PDE4D: variants seen among roughly 807,000 people sequenced by gnomAD.
The protein encoded by PDE4D is 3',5'-cyclic-AMP phosphodiesterase 4D.
PDE4D carries 24 observed loss-of-function variants against 87.4 expected under a neutral mutation model. That is an observed-to-expected ratio of 0.27 (90% CI 0.20 to 0.39). The LOEUF is 0.39. PDE4D is among the 10% of genes least tolerant of loss of function. PDE4D has a pLI of 1.00. For synonymous variants in PDE4D, 384 were observed against 383.2 expected, an observed-to-expected ratio of 1.00 and a Z score of -0.02; for missense variants, 714 against 1,041.0, an observed-to-expected ratio of 0.69 and a Z score of 4.32.
At chr5:59,282,643 CAAAAAAAAA>C (rs60262509) in intron 1 of PDE4D, among the ~76,000 whole-genome samples, 1 of 38,858 alleles carries the variant, frequency 2.6e-5, no homozygotes, top group Non-Finnish European at 4.6e-5. Flanking sequence ...AACTCCAGCT[CAAAAAAAAA>C]AAAAAAAAAA....
intron 1 of PDE4D, among the ~76,000 whole-genome samples, chr5:59,263,091 A>G (rs1762295163): frequency 1.3e-5 from 2 of 151,902 alleles, no homozygotes; most frequent in Admixed American, 6.6e-5. Context: ...TGTGTCTACA[A>G]CTCACCCAGT....
At chr5:60,387,840 GGA>G (rs1762299497) in intron 1 of PDE4D, among the ~76,000 whole-genome samples, 1 of 152,074 alleles carries the variant, frequency 6.6e-6, no homozygotes, top group African/African-American at 2.4e-5. Flanking sequence ...CTATCTACCT[GGA>G]GATAGCATCA....
intron 2 of PDE4D, among the ~76,000 whole-genome samples, chr5:60,040,211 T>A (rs1768312357): frequency 6.6e-6 from 1 of 152,254 alleles, no homozygotes; most frequent in South Asian, 2.1e-4. Flanking sequence ...TATGAAGGTT[T>A]ACAGCTCATC....
At chr5:59,402,837 C>A (rs1790908674) in intron 1 of PDE4D, among the ~76,000 whole-genome samples, 1 of 151,946 alleles carries the variant, frequency 6.6e-6, no homozygotes. Context: ...GAAGATTTCA[C>A]ACTCTTTCAC....
chr5:59,521,557 C>A (rs1055594683), intron 1 of PDE4D, among the ~76,000 whole-genome samples: 1 of 152,206 alleles, frequency 6.6e-6, no homozygotes, highest in Non-Finnish European at 1.5e-5. Flanking sequence ...GTGCACCATT[C>A]TTCTCCCAGC....
At chr5:59,247,143 T>C (rs1759003123) in intron 1 of PDE4D, among the ~76,000 whole-genome samples, 2 of 152,184 alleles carry the variant, frequency 1.3e-5, no homozygotes, top group South Asian at 4.1e-4. Flanking sequence ...TTGAAATAAA[T>C]GCCTCTGCCA....
chr5:59,535,074 TGTG>T lies in PDE4D; in HGVS notation c.456-319109_456-319107del, dbSNP rs891403328. ...GTGCTTAGATTGGTGTGTGTGTGTG[TGTG>T]GGGGGGGGGTCCTCTATCATGTATC... On this transcript the variant is annotated intron_variant, in intron 1 of 14. Coordinates refer to ENST00000340635, the MANE Select transcript of PDE4D (RefSeq NM_001104631.2). Among the ~76,000 whole-genome samples the T allele has an allele frequency of 2.4e-4, 17 of 71,658 alleles. No individual in the cohort carries two copies. In the South Asian group the frequency reaches 5.8e-3, roughly 25 times the overall value. 47.0% of individuals were successfully genotyped at this position (71,658 alleles called of 152,430 possible).
intron 1 of PDE4D, among the ~76,000 whole-genome samples, chr5:60,204,232 T>C (rs1742248978): frequency 6.6e-6 from 1 of 151,992 alleles, no homozygotes. Context: ...CTCTCTGTCA[T>C]CTATCTAATC....
chr5:59,392,557 T>C (rs1234078037), intron 1 of PDE4D, among the ~76,000 whole-genome samples: 2 of 149,786 alleles, frequency 1.3e-5, no homozygotes, highest in Admixed American at 6.6e-5. Context: ...AGAACCCTAA[T>C]ATACCTTGTC....
At chr5:59,532,826 C>G (rs1561141373) in intron 1 of PDE4D, among the ~76,000 whole-genome samples, 1 of 152,050 alleles carries the variant, frequency 6.6e-6, no homozygotes, top group Admixed American at 6.6e-5. Context: ...GGGTCATTGC[C>G]CTAGACTGAG....
chr5:60,370,078 G>GA (rs1427850500), intron 1 of PDE4D, among the ~76,000 whole-genome samples: 1 of 152,070 alleles, frequency 6.6e-6, no homozygotes, highest in African/African-American at 2.4e-5. Context: ...ATCACAGAGA[G>GA]AAAACCTAGC....
chr5:59,323,784 A>AT (rs55924752), intron 1 of PDE4D, among the ~76,000 whole-genome samples: 10,236 of 150,056 alleles, frequency 0.068, 375 homozygotes, highest in Non-Finnish European at 0.084. Context: ...AGCCAAAGAC[A>AT]TTTTTTTTTT....
At chr5:59,839,562 C>T (rs944516395) in intron 1 of PDE4D, among the ~76,000 whole-genome samples, 1 of 151,958 alleles carries the variant, frequency 6.6e-6, no homozygotes, top group Admixed American at 6.6e-5. Flanking sequence ...CAATGACTGA[C>T]TGAACTTCAA....
intron 1 of PDE4D, among the ~76,000 whole-genome samples, chr5:60,486,497 CTT>C (rs1749153987): frequency 6.6e-6 from 1 of 152,034 alleles, no homozygotes; most frequent in African/African-American, 2.4e-5. Context: ...TTTCTACAAA[CTT>C]CATTCATTGG....
intron 1 of PDE4D, among the ~76,000 whole-genome samples, chr5:60,394,136 C>T (rs917909864): frequency 1.3e-5 from 2 of 152,134 alleles, no homozygotes; most frequent in African/African-American, 2.4e-5. Flanking sequence ...CCCAAAATTT[C>T]GACAAAATTC....
intron 1 of PDE4D, among the ~76,000 whole-genome samples, chr5:60,235,859 T>C (rs965359862): frequency 9.2e-5 from 14 of 151,934 alleles, no homozygotes; most frequent in Non-Finnish European, 1.9e-4. Flanking sequence ...CACATGACTA[T>C]GCCCTTAGCC....
chr5:60,088,301 A>C (rs1294117793), intron 2 of PDE4D, among the ~76,000 whole-genome samples: 1 of 151,956 alleles, frequency 6.6e-6, no homozygotes, highest in Non-Finnish European at 1.5e-5. Context: ...TGTGTAAAAA[A>C]CAAAAAACAA....
intron 5 of PDE4D, among the ~76,000 whole-genome samples, chr5:59,117,895 C>T (rs1773881314): frequency 6.6e-6 from 1 of 150,818 alleles, no homozygotes; most frequent in Admixed American, 6.6e-5. Flanking sequence ...AATAGATTGT[C>T]AAATTCTTCT....
chr5:59,352,077 C>T (rs57778711), intron 1 of PDE4D, among the ~76,000 whole-genome samples: 2,216 of 152,106 alleles, frequency 0.015, 55 homozygotes, highest in African/African-American at 0.049. Context: ...AAAGGTAATG[C>T]TAGATCCACC....
Sources: gnomAD v4.1 joint callset for allele counts (sites outside exome capture counted in the v4.1 genomes callset) on GRCh38, gnomAD v4.1.1 for gene constraint, MANE v1.5 for transcripts, NCBI Gene and HGNC (gene_info 2026-07-23, HGNC 2026-07-21) for gene names.